Variants in YJU2 observed in about 807,000 individuals in gnomAD.
YJU2 encodes YJU2 splicing factor homolog.
YJU2 carries 28 observed loss-of-function variants against 39.6 expected under a neutral mutation model. The ratio of observed to expected loss-of-function variants is 0.71; its 90% CI spans 0.52 to 0.97. The LOEUF (loss-of-function observed/expected upper bound fraction) is 0.97. YJU2 is among the 50% of genes least tolerant of loss of function. YJU2 has a pLI of 0.00. For synonymous variants in YJU2, 184 were observed against 182.4 expected, an observed-to-expected ratio of 1.01 and a Z score of -0.07; for missense variants, 328 against 430.4, an observed-to-expected ratio of 0.76 and a Z score of 2.11.
In YJU2 at chr19:4,249,239, G is replaced by T. The variant is rs368087162; in HGVS notation, c.36G>T (p.Pro12=). The T allele has an allele frequency of 2.5e-6, 4 of 1,611,266 alleles. No homozygotes were observed. In the Admixed American group the frequency reaches 5.0e-5, roughly 20 times the overall value. ...TTCCTCCCCTGCAGAAATACTACCC[G>T]CCGGACTTTGACCCATCAAAGATCC... is the stretch of plus-strand genomic sequence containing the variant. ...SERKVLNKYY[P]PDFDPSKIPK... Residue 12 remains proline, a synonymous_variant, in exon 2 of 8, where the codon CCG becomes CCT. Transcript: ENST00000262962.
chr19:4,260,778 T>A (rs1380921804), intron 5 of YJU2, among the ~76,000 whole-genome samples: 1 of 151,848 alleles, frequency 6.6e-6, no homozygotes, highest in Non-Finnish European at 1.5e-5. Flanking sequence ...CTGTTTTATG[T>A]TTAAATAGAG....
chr19:4,258,633 A>G (rs1180372450), intron 5 of YJU2, among the ~76,000 whole-genome samples: 1 of 152,188 alleles, frequency 6.6e-6, no homozygotes, highest in Non-Finnish European at 1.5e-5. Context: ...GGTCGCCCGC[A>G]TGGCTGCGGT....
chr19:4,263,952 AAC>A (rs1271226732), intron 6 of YJU2, among the ~76,000 whole-genome samples: 3 of 151,756 alleles, frequency 2.0e-5, no homozygotes, highest in Non-Finnish European at 4.4e-5. Context: ...ATAAACCAAT[AAC>A]ACAGACACAC....
intron 3 of YJU2, among the ~76,000 whole-genome samples, chr19:4,253,110 A>G (rs1970990596): frequency 6.6e-6 from 1 of 151,850 alleles, no homozygotes; most frequent in Non-Finnish European, 1.5e-5. Context: ...GCTTACTCCC[A>G]GCGCTTTGAG....
At position 4,261,615 on chromosome 19, in the gene YJU2, T is replaced by G. The variant is rs1971071279; in HGVS notation, c.588-379T>G. Among the ~76,000 whole-genome samples, 4 of 151,148 alleles carry G rather than the reference T, an allele frequency of 2.6e-5. 1 individual carries two copies. The South Asian group carries it at 8.4e-4, about 32-fold the overall frequency. On this transcript the variant is annotated intron_variant, in intron 5 of 7. Coordinates refer to ENST00000262962, the MANE Select transcript of YJU2 (RefSeq NM_018074.6). ...GGTGGGGGTTGCAGTGAGCCAAGATTGCGCCACTGCACTCCAGCCTGGGCA... is the reference window on the plus strand; with the variant it reads ...GGTGGGGGTTGCAGTGAGCCAAGATGGCGCCACTGCACTCCAGCCTGGGCA...
intron 7 of YJU2, 80 bp from the exon 8 acceptor site, chr19:4,268,504 C>A: frequency 1.0e-6 from 1 of 975,536 alleles, no homozygotes; most frequent in South Asian, 1.4e-5. Flanking sequence ...TGCAAACCTG[C>A]AGAGGTGGCC....
intron 4 of YJU2, among the ~76,000 whole-genome samples, chr19:4,256,332 C>G (rs1307131299): frequency 2.0e-5 from 3 of 151,664 alleles, no homozygotes; most frequent in African/African-American, 7.3e-5. Context: ...ATTCCTGGAC[C>G]CACCCACCCC....
chr19:4,247,337 G>T, intron 1 of YJU2, 167 bp downstream of exon 1: 2 of 597,274 alleles, frequency 3.3e-6, no homozygotes, highest in Non-Finnish European at 5.8e-6. Context: ...ATCGCCTTCC[G>T]TCGGGGGGGT....
In YJU2 at chr19:4,254,453, G is replaced by A. The variant is rs977165255; in HGVS notation, c.369G>A (p.Lys123=). 4 of 1,611,728 alleles carry A rather than the reference G, an allele frequency of 2.5e-6. No homozygotes were observed. In the Admixed American group the frequency reaches 5.0e-5, roughly 20 times the overall value. Residue 123 remains lysine (K), a synonymous_variant, in exon 4 of 8, where the codon AAG becomes AAA. Coordinates refer to ENST00000262962, the MANE Select transcript of YJU2 (RefSeq NM_018074.6). ...LLEEEEKRVQ[K]EREDEELNNP... Reference sequence around the variant, plus strand: ...AGGAGGAGGAGAAGAGGGTGCAGAAGGAGCGGGAGGACGAGGAGCTGAACA... The same window carrying A: ...AGGAGGAGGAGAAGAGGGTGCAGAAAGAGCGGGAGGACGAGGAGCTGAACA...
intron 7 of YJU2, 55 bp downstream of exon 7, chr19:4,267,829 G>A (rs915655001): frequency 1.3e-6 from 2 of 1,515,742 alleles, no homozygotes; most frequent in East Asian, 2.4e-5. Flanking sequence ...GCCTGTAGGT[G>A]GCAGCAGCTC....
In YJU2 at chr19:4,268,950, CTGCA is replaced by C. The variant is rs1971141106; in HGVS notation, c.*255_*258del. ...CCCCCACCTGTCACTGTGCTTAGGG[CTGCA>C]ACATCCCTGGAGCAGCTTCCAACAC... On this transcript the variant is annotated 3_prime_UTR_variant, in exon 8 of 8. Transcript: ENST00000262962. 1.6e-5 allele frequency: 8 copies of C among 510,520 alleles called. No homozygotes were observed. The highest frequency in any genetic ancestry group is 2.8e-5 in the Non-Finnish European group (8 of 281,000). 31.6% of individuals were successfully genotyped at this position (510,520 alleles called of 1,614,324 possible). A position where few individuals can be genotyped will look rare whatever the true frequency, so the allele number is the denominator to read the frequency against.
chr19:4,265,231 C>T (rs944435321), intron 6 of YJU2, among the ~76,000 whole-genome samples: 2 of 151,982 alleles, frequency 1.3e-5, no homozygotes, highest in South Asian at 2.1e-4. Flanking sequence ...TATCTCCACA[C>T]TTGCGTTTTC....
chr19:4,247,859 G>T (rs1970944081), intron 1 of YJU2, among the ~76,000 whole-genome samples: 3 of 151,556 alleles, frequency 2.0e-5, no homozygotes, highest in Non-Finnish European at 4.4e-5. Flanking sequence ...TATACTGTTG[G>T]CACACTTCTG....
intron 4 of YJU2, among the ~76,000 whole-genome samples, chr19:4,256,181 A>ATAT (rs1555725230): frequency 0.013 from 1,682 of 125,700 alleles, 15 homozygotes; most frequent in Non-Finnish European, 0.018. Flanking sequence ...AAAAAAAAAA[A>ATAT]ATATATATAT....
chr19:4,267,319 C>T lies in YJU2; in HGVS notation c.709-305C>T, dbSNP rs112541266. Among the ~76,000 whole-genome samples the T allele has an allele frequency of 5.5e-3, 843 of 152,162 alleles. 9 individuals carry two copies. Among genetic ancestry groups the T allele is most frequent in the Middle Eastern group, 0.048 (14 of 294 alleles). On this transcript the variant is annotated intron_variant, in intron 6 of 7. Coordinates refer to ENST00000262962, the MANE Select transcript of YJU2 (RefSeq NM_018074.6). The stretch of plus-strand genomic sequence containing the variant: ...GAAGGGTGAGTAGGAGTTCACCAAG[C>T]GAGTGCATGGAAAAGGGGGCATCCC...
chr19:4,249,225 C>A lies in YJU2; in HGVS notation c.25-3C>A. On this transcript the variant is annotated splice_region_variant and splice_polypyrimidine_tract_variant and intron_variant, in intron 1 of 7. Transcript: ENST00000262962. ...CCCCCAACGTTTCCTTCCTCCCCTG[C>A]AGAAATACTACCCGCCGGACTTTGA... 3 of 1,607,090 alleles carry A rather than the reference C, an allele frequency of 1.9e-6. No individual in the cohort carries two copies. The highest frequency in any genetic ancestry group is 2.6e-6 in the Non-Finnish European group (3 of 1,174,380).
chr19:4,265,279 G>T (rs1357190582), intron 6 of YJU2, among the ~76,000 whole-genome samples: 2 of 151,900 alleles, frequency 1.3e-5, no homozygotes, highest in African/African-American at 4.8e-5. Flanking sequence ...ATGAGGTCTT[G>T]CTCTGTCACC....
intron 5 of YJU2, among the ~76,000 whole-genome samples, chr19:4,260,323 G>C (rs972089248): frequency 3.9e-5 from 6 of 152,042 alleles, no homozygotes; most frequent in African/African-American, 1.4e-4. Flanking sequence ...AGCTGCTCCA[G>C]AGGCTGAGAC....
intron 6 of YJU2, among the ~76,000 whole-genome samples, chr19:4,264,133 G>A (rs1263967812): frequency 6.6e-6 from 1 of 150,702 alleles, no homozygotes; most frequent in Non-Finnish European, 1.5e-5. Context: ...GTGGTGGCGG[G>A]CGCCTGTAGT....
Sources: allele counts gnomAD v4.1 joint callset (sites outside exome capture counted in the v4.1 genomes callset), GRCh38; gene constraint gnomAD v4.1.1; transcripts MANE v1.5; gene names NCBI Gene and HGNC (gene_info 2026-07-23, HGNC 2026-07-21).